MYO3A: variants seen among roughly 807,000 people sequenced by gnomAD.
The protein encoded by MYO3A is myosin-IIIa.
In MYO3A, 180 loss-of-function variants were observed where a neutral mutation model predicts 192.7. The observed-to-expected ratio is 0.93, with a 90% CI of 0.83 to 1.06. MYO3A has a LOEUF of 1.06. Ranked by LOEUF, MYO3A falls within the 50% of genes least tolerant of loss-of-function variation. The probability of loss-of-function intolerance (pLI) is 0.00; values close to 1 mark genes in which losing one functional copy is unlikely to be tolerated. For missense variants in MYO3A, 1,896 were observed against 1,905.0 expected (o/e 1.00, Z 0.09); for synonymous variants, 628 against 645.3 (o/e 0.97, Z 0.41).
chr10:26,114,507 A>G (rs1838385917), intron 17 of MYO3A, among the ~76,000 whole-genome samples: 1 of 152,224 alleles, frequency 6.6e-6, no homozygotes, highest in African/African-American at 2.4e-5. Context: ...GCTTAGTGAG[A>G]TCTTTTTGTT....
At chr10:25,939,074 G>C (rs1588624394) in intron 2 of MYO3A, among the ~76,000 whole-genome samples, 1 of 152,208 alleles carries the variant, frequency 6.6e-6, no homozygotes, top group East Asian at 1.9e-4. Flanking sequence ...CATGAATGCA[G>C]TCATTTCAAG....
In MYO3A at chr10:26,068,937, G is replaced by A. The variant is rs1554818062; in HGVS notation, c.1170+53G>A. 3 of 1,171,268 alleles carry A rather than the reference G, an allele frequency of 2.6e-6. No individual in the cohort carries two copies. In the South Asian group the frequency reaches 3.7e-5, roughly 15 times the overall value. The allele number at this position is 1,171,268 out of a possible 1,614,324, so 72.6% of individuals were successfully genotyped here. A position where few individuals can be genotyped will look rare whatever the true frequency, so the allele number is the denominator to read the frequency against. On this transcript the variant is annotated intron_variant, in intron 12 of 34. Coordinates refer to ENST00000642920, the MANE Select transcript of MYO3A (RefSeq NM_017433.5). Reference sequence around the variant, plus strand: ...CTTCATACACATAATTATACATTCAGATACTTAAATTAATTTAAATGAATG... The same window carrying A: ...CTTCATACACATAATTATACATTCAAATACTTAAATTAATTTAAATGAATG...
At chr10:26,067,176 T>G in intron 11 of MYO3A, 102 bp downstream of exon 11, 11 of 780,348 alleles carry the variant, frequency 1.4e-5, no homozygotes, top group Non-Finnish European at 2.0e-5. Flanking sequence ...TAGATTATGA[T>G]GGTTATTAAG....
chr10:26,162,795 G>A (rs1251212691), intron 26 of MYO3A, among the ~76,000 whole-genome samples: 2 of 152,156 alleles, frequency 1.3e-5, no homozygotes, highest in African/African-American at 4.8e-5. Flanking sequence ...ACACACACAC[G>A]GGCGCACTAG....
intron 6 of MYO3A, among the ~76,000 whole-genome samples, chr10:25,999,121 A>G (rs1447349337): frequency 6.6e-6 from 1 of 152,052 alleles, no homozygotes; most frequent in Non-Finnish European, 1.5e-5. Context: ...GATGGTCTCG[A>G]TCTCCTGACC....
intron 10 of MYO3A, among the ~76,000 whole-genome samples, chr10:26,056,685 T>A (rs1834131252): frequency 6.6e-6 from 1 of 151,768 alleles, no homozygotes; most frequent in African/African-American, 2.4e-5. Context: ...GTGTTCAAGT[T>A]CCAAATGCCC....
At chr10:26,025,678 A>G (rs1842506875) in intron 9 of MYO3A, among the ~76,000 whole-genome samples, 1 of 152,152 alleles carries the variant, frequency 6.6e-6, no homozygotes, top group African/African-American at 2.4e-5. Context: ...TTACATATTC[A>G]AAGTCAGCTG....
At chr10:26,151,886 T>C (rs201804242) in intron 23 of MYO3A, among the ~76,000 whole-genome samples, 1 of 152,256 alleles carries the variant, frequency 6.6e-6, no homozygotes, top group Non-Finnish European at 1.5e-5. Flanking sequence ...TGACGCACAA[T>C]GTATGAAACC....
intron 27 of MYO3A, among the ~76,000 whole-genome samples, chr10:26,166,390 C>T (rs1035634144): frequency 7.2e-5 from 11 of 151,916 alleles, no homozygotes; most frequent in African/African-American, 2.7e-4. Flanking sequence ...TTAAGAAATA[C>T]AAAAGGCTGG....
At chr10:26,088,082 A>G in intron 14 of MYO3A, 121 bp from the exon 15 acceptor site, 2 of 787,542 alleles carry the variant, frequency 2.5e-6, no homozygotes, top group Non-Finnish European at 4.0e-6. Flanking sequence ...CTGCCAATAT[A>G]TCAGGAACAT....
chr10:25,998,821 G>C (rs1453059892), intron 6 of MYO3A, among the ~76,000 whole-genome samples: 2 of 152,136 alleles, frequency 1.3e-5, no homozygotes, highest in Non-Finnish European at 2.9e-5. Flanking sequence ...AAATTCCTAT[G>C]ATTTCCTCCA....
intron 15 of MYO3A, among the ~76,000 whole-genome samples, chr10:26,091,997 T>C (rs185561112): frequency 1.3e-5 from 2 of 152,372 alleles, no homozygotes; most frequent in Admixed American, 1.3e-4. Flanking sequence ...CATTGGTTTC[T>C]AGTCTCTCAT....
At chr10:25,996,171 G>T (rs113396120) in intron 4 of MYO3A, among the ~76,000 whole-genome samples, 4 of 152,144 alleles carry the variant, frequency 2.6e-5, no homozygotes, top group African/African-American at 4.8e-5. Flanking sequence ...CTTCCTGGCC[G>T]CTTTGTTCAC....
In MYO3A at chr10:26,005,570, A is replaced by C. The variant is rs183592539; in HGVS notation, c.508+8312A>C. ...TCCTTGTTTGTGGCAATTACAAACA[A>C]ATATATAGGAGTGAAGGGGCATTAT... On this transcript the variant is annotated intron_variant, in intron 6 of 34. Transcript: ENST00000642920. Among the ~76,000 whole-genome samples, 5 of 152,302 alleles carry C rather than the reference A, an allele frequency of 3.3e-5. No individual in the cohort carries two copies. In the East Asian group the frequency reaches 9.6e-4, roughly 29 times the overall value.
At chr10:26,125,332 T>A in intron 18 of MYO3A, 66 bp from the exon 19 acceptor site, 1 of 1,442,324 alleles carries the variant, frequency 6.9e-7, no homozygotes, top group East Asian at 2.3e-5. Flanking sequence ...ATTAAGACAT[T>A]TTCATTTTTG....
chr10:26,029,692 A>T (rs1842721732), intron 10 of MYO3A, among the ~76,000 whole-genome samples: 1 of 150,880 alleles, frequency 6.6e-6, no homozygotes, highest in Admixed American at 6.6e-5. Flanking sequence ...CTTTTGGGGG[A>T]ATGTAATTCC....
At chr10:25,969,016 G>A (rs886740896) in intron 4 of MYO3A, among the ~76,000 whole-genome samples, 1 of 152,192 alleles carries the variant, frequency 6.6e-6, no homozygotes. Flanking sequence ...AAGGTGGGCG[G>A]ATGACAAGGT....
chr10:26,086,965 T>G (rs1588929492), intron 14 of MYO3A, among the ~76,000 whole-genome samples: 1 of 144,790 alleles, frequency 6.9e-6, no homozygotes, highest in Non-Finnish European at 1.5e-5. Flanking sequence ...TGTTTTAGAT[T>G]AATGTTAATT....
chr10:25,944,299 C>T (rs1357782444), intron 2 of MYO3A, among the ~76,000 whole-genome samples: 1 of 151,880 alleles, frequency 6.6e-6, no homozygotes, highest in African/African-American at 2.4e-5. Flanking sequence ...AGTTAGTTTG[C>T]CTGTATTTTG....
Sources: gnomAD v4.1 joint callset for allele counts (sites outside exome capture counted in the v4.1 genomes callset) on GRCh38, gnomAD v4.1.1 for gene constraint, MANE v1.5 for transcripts, NCBI Gene and HGNC (gene_info 2026-07-23, HGNC 2026-07-21) for gene names.